Variants in NAALADL2 observed in about 807,000 individuals in gnomAD.
NAALADL2 encodes the protein N-acetylated alpha-linked acidic dipeptidase like 2, also known as inactive N-acetylated-alpha-linked acidic dipeptidase-like protein 2.
Under a neutral mutation model 87.2 loss-of-function variants are expected in NAALADL2, and 76 were observed. The observed-to-expected ratio is 0.87, with a 90% CI of 0.72 to 1.05. The LOEUF (loss-of-function observed/expected upper bound fraction) is 1.05. Ranked by LOEUF, NAALADL2 falls within the 50% of genes least tolerant of loss-of-function variation. The probability of loss-of-function intolerance (pLI) is 0.00; values close to 1 mark genes in which losing one functional copy is unlikely to be tolerated. For synonymous variants in NAALADL2, 354 were observed against 331.0 expected, an observed-to-expected ratio of 1.07 and a Z score of -0.75; for missense variants, 1,089 against 945.8, an observed-to-expected ratio of 1.15 and a Z score of -1.99.
At chr3:175,274,671 A>G (rs931067621) in intron 4 of NAALADL2, among the ~76,000 whole-genome samples, 3 of 152,124 alleles carry the variant, frequency 2.0e-5, no homozygotes, top group African/African-American at 7.2e-5. Flanking sequence ...TGACCTTAAG[A>G]AAATTACTTC....
At chr3:174,842,946 T>C (rs1724188017) in intron 3 of NAALADL2, among the ~76,000 whole-genome samples, 1 of 152,184 alleles carries the variant, frequency 6.6e-6, no homozygotes, top group Non-Finnish European at 1.5e-5. Flanking sequence ...TACTCTTTAC[T>C]ACTGAGTTAC....
At chr3:174,863,101 A>C (rs1371572361) in intron 1 of NAALADL2, among the ~76,000 whole-genome samples, 1 of 152,106 alleles carries the variant, frequency 6.6e-6, no homozygotes, top group Non-Finnish European at 1.5e-5. Context: ...AGATAGTCTC[A>C]AGTCCAATGT....
intron 2 of NAALADL2, among the ~76,000 whole-genome samples, chr3:175,215,325 T>G (rs976160135): frequency 1.3e-5 from 2 of 152,172 alleles, no homozygotes; most frequent in Non-Finnish European, 2.9e-5. Flanking sequence ...TATCGTGTCT[T>G]TTTTCTTTAA....
At chr3:174,799,044 C>T (rs960244431) in intron 3 of NAALADL2, among the ~76,000 whole-genome samples, 1 of 151,786 alleles carries the variant, frequency 6.6e-6, no homozygotes, top group Non-Finnish European at 1.5e-5. Context: ...GTGGCACATG[C>T]TTGTAATCTC....
intron 5 of NAALADL2, among the ~76,000 whole-genome samples, chr3:175,420,166 A>G (rs1715434373): frequency 6.6e-6 from 1 of 151,948 alleles, no homozygotes; most frequent in South Asian, 2.1e-4. Context: ...GTATACCTTT[A>G]CTTTCATGAA....
chr3:174,621,375 G>T (rs984295532), intron 2 of NAALADL2, among the ~76,000 whole-genome samples: 8 of 152,094 alleles, frequency 5.3e-5, no homozygotes, highest in Admixed American at 5.2e-4. Flanking sequence ...TGACAGATTA[G>T]AGAGATTATC....
chr3:174,816,569 T>C (rs186430029), intron 3 of NAALADL2, among the ~76,000 whole-genome samples: 80 of 149,386 alleles, frequency 5.4e-4, no homozygotes, highest in African/African-American at 1.8e-3. Flanking sequence ...ATGTAACATA[T>C]ATATAAATTA....
In NAALADL2 at chr3:175,209,916, C is replaced by G. The variant is rs137868509; in HGVS notation, c.546-24015C>G. Among the ~76,000 whole-genome samples, 608 of 151,812 alleles carry G rather than the reference C, an allele frequency of 4.0e-3. 2 individuals carry two copies. The highest frequency in any genetic ancestry group is 0.013 in the African/African-American group (549 of 41,470). ...AAATAAATAAATAAAGTCTACAAGT[C>G]TTCGTTTTCAATAAAGCAGTAAATA... On this transcript the variant is annotated intron_variant, in intron 2 of 13. Transcript: ENST00000454872.
intron 1 of NAALADL2, among the ~76,000 whole-genome samples, chr3:175,041,836 T>C (rs1349444791): frequency 2.0e-5 from 3 of 152,140 alleles, no homozygotes; most frequent in Non-Finnish European, 4.4e-5. Context: ...AAAGGTACAA[T>C]GTATATTTTA....
chr3:175,201,767 G>T (rs1740063276), intron 2 of NAALADL2, among the ~76,000 whole-genome samples: 2 of 148,020 alleles, frequency 1.4e-5, no homozygotes. Context: ...TAGCTAGCTT[G>T]TTATTCAATT....
At chr3:175,358,848 T>G (rs757064943) in intron 5 of NAALADL2, among the ~76,000 whole-genome samples, 32 of 152,028 alleles carry the variant, frequency 2.1e-4, no homozygotes, top group Non-Finnish European at 3.2e-4. Flanking sequence ...TTTGGCACAA[T>G]AAGTCAATAG....
At position 174,580,644 on chromosome 3, in the gene NAALADL2, A is replaced by G. The variant is rs145143860; in HGVS notation, c.-115+30007A>G. 2.7e-3 allele frequency among the ~76,000 whole-genome samples: 411 copies of G among 152,222 alleles called. 4 individuals carry two copies. Among genetic ancestry groups the G allele is most frequent in the African/African-American group, 9.5e-3 (396 of 41,558 alleles). ...TAGAATTTGATATCAATTGATTCAT[A>G]TAGTATTCTCTCTCTCTCTATGTAA... On this transcript the variant is annotated intron_variant, in intron 2 of 3. Transcript: ENST00000434257.
At chr3:174,673,635 G>A (rs1052856277) in intron 2 of NAALADL2, among the ~76,000 whole-genome samples, 2 of 136,784 alleles carry the variant, frequency 1.5e-5, no homozygotes, top group Non-Finnish European at 3.2e-5. Flanking sequence ...GTTACCAAAG[G>A]CTGGGAAGGG....
At chr3:175,738,282 C>A (rs188775430) in intron 12 of NAALADL2, among the ~76,000 whole-genome samples, 279 of 151,688 alleles carry the variant, frequency 1.8e-3, no homozygotes, top group Middle Eastern at 0.014. Context: ...ATCTCACTGT[C>A]TATTGCCCAG....
Position 174,449,376 on chromosome 3 carries a change from G to A in NAALADL2, c.-184+8344G>A, listed in dbSNP as rs149228947. The stretch of plus-strand genomic sequence containing the variant: ...TAAAACTAAAAAACAAAAAACAAAA[G>A]CACTATTAATGATATTGTGCCACAT... On this transcript the variant is annotated intron_variant, in intron 1 of 3. Transcript: ENST00000434257. Among the ~76,000 whole-genome samples, 244 of 152,170 alleles carry A rather than the reference G, an allele frequency of 1.6e-3. 1 individual carries two copies. Among genetic ancestry groups the A allele is most frequent in the Middle Eastern group, 0.014 (4 of 290 alleles).
rs1553962784 is a variant in NAALADL2 at position 175,737,744 on chromosome 3, T to TA, written c.1990+347dup. Among the ~76,000 whole-genome samples, 3 of 137,500 alleles carry TA rather than the reference T, an allele frequency of 2.2e-5. 1 individual carries two copies. Among genetic ancestry groups the TA allele is most frequent in the Non-Finnish European group, 4.7e-5 (3 of 64,290 alleles). 90.2% of individuals were successfully genotyped at this position (137,500 alleles called of 152,430 possible). A position where few individuals can be genotyped will look rare whatever the true frequency, so the allele number is the denominator to read the frequency against. ...TTTTTTTTTTTTTTTTTTTTTTTTT[T>TA]AACATTCTAACAGCCAATCAGTTCA... On this transcript the variant is annotated intron_variant, in intron 12 of 13. Transcript: ENST00000454872.
intron 11 of NAALADL2, among the ~76,000 whole-genome samples, chr3:175,668,155 T>A (rs1441389826): frequency 1.3e-5 from 2 of 152,184 alleles, no homozygotes; most frequent in Non-Finnish European, 2.9e-5. Context: ...TAATAATTAC[T>A]CAGAGAAATG....
intron 1 of NAALADL2, among the ~76,000 whole-genome samples, chr3:175,022,196 C>T (rs1751649061): frequency 6.6e-6 from 1 of 151,888 alleles, no homozygotes. Flanking sequence ...GAATGGTGAC[C>T]CAAATAAACC....
chr3:174,979,973 A>C lies in NAALADL2; in HGVS notation c.44-116817A>C, dbSNP rs530726833. Among the ~76,000 whole-genome samples the C allele has an allele frequency of 3.7e-4, 57 of 152,134 alleles. 2 individuals are homozygous for C. The Middle Eastern group carries it at 0.027, about 73-fold the overall frequency. ...ATCCCCAAAAGCCCTTTATGATTTG[A>C]CTTCTTGTGACCACTTTGACCTTCT... On this transcript the variant is annotated intron_variant, in intron 1 of 13. Transcript: ENST00000454872.
Sources: allele counts gnomAD v4.1 joint callset (sites outside exome capture counted in the v4.1 genomes callset), GRCh38; gene constraint gnomAD v4.1.1; transcripts MANE v1.5; gene names NCBI Gene and HGNC (gene_info 2026-07-23, HGNC 2026-07-21).